The following TAFA4 variants were observed in gnomAD, a reference collection of about 807,000 sequenced individuals.
The protein encoded by TAFA4 is chemokine-like protein TAFA-4.
TAFA4 carries 20 observed loss-of-function variants against 21.1 expected under a neutral mutation model. That is an observed-to-expected ratio of 0.95 (90% CI 0.67 to 1.38). TAFA4 has a LOEUF of 1.38. Among genes scored for constraint, TAFA4 ranks in the 40% most tolerant of loss-of-function variants. The probability of loss-of-function intolerance (pLI) is 0.00; values close to 1 mark genes in which losing one functional copy is unlikely to be tolerated. For missense variants in TAFA4, 211 were observed against 180.9 expected (o/e 1.17, Z -0.95); for synonymous variants, 71 against 67.4 (o/e 1.05, Z -0.26).
At chr3:68,914,876 G>C (rs894557276) in intron 1 of TAFA4, among the ~76,000 whole-genome samples, 1 of 152,086 alleles carries the variant, frequency 6.6e-6, no homozygotes, top group African/African-American at 2.4e-5. Context: ...AAAAAGAATA[G>C]TATTTATTGA....
intron 3 of TAFA4, among the ~76,000 whole-genome samples, chr3:68,856,699 A>C (rs1001082707): frequency 1.4e-4 from 21 of 152,188 alleles, no homozygotes; most frequent in Non-Finnish European, 2.2e-4. Context: ...AAAGTCGCTC[A>C]ACCCAAGTTA....
chr3:68,872,782 G>C (rs1423388335), intron 3 of TAFA4, among the ~76,000 whole-genome samples: 2 of 152,108 alleles, frequency 1.3e-5, no homozygotes, highest in African/African-American at 4.8e-5. Context: ...AATACTTTTA[G>C]GTAGGGGATG....
At chr3:68,891,281 C>T (rs2089727828) in intron 1 of TAFA4, among the ~76,000 whole-genome samples, 1 of 152,170 alleles carries the variant, frequency 6.6e-6, no homozygotes, top group African/African-American at 2.4e-5. Flanking sequence ...AATTCAAAAG[C>T]ATTTTTGCAA....
intron 5 of TAFA4, among the ~76,000 whole-genome samples, chr3:68,737,308 T>G (rs2106724837): frequency 6.6e-6 from 1 of 152,278 alleles, no homozygotes; most frequent in Middle Eastern, 3.4e-3. Context: ...AGGCAGGGTT[T>G]GCTTAGCAAG....
At chr3:68,779,254 G>C (rs1317750269) in intron 3 of TAFA4, among the ~76,000 whole-genome samples, 1 of 152,090 alleles carries the variant, frequency 6.6e-6, no homozygotes, top group Non-Finnish European at 1.5e-5. Context: ...AGGTTTAAAA[G>C]GGAAACAGCA....
intron 3 of TAFA4, among the ~76,000 whole-genome samples, chr3:68,800,987 C>T (rs1703566411): frequency 6.6e-6 from 1 of 152,118 alleles, no homozygotes; most frequent in African/African-American, 2.4e-5. Context: ...CCTTTGACTG[C>T]TCCAAAGCTA....
At chr3:68,830,501 A>G (rs995826184) in intron 3 of TAFA4, among the ~76,000 whole-genome samples, 15 of 152,168 alleles carry the variant, frequency 9.9e-5, no homozygotes, top group Non-Finnish European at 1.6e-4. Flanking sequence ...TGCAGTTTTG[A>G]GTGAGTTTTT....
chr3:68,857,573 T>C (rs1705097865), intron 3 of TAFA4, among the ~76,000 whole-genome samples: 1 of 152,140 alleles, frequency 6.6e-6, no homozygotes, highest in Non-Finnish European at 1.5e-5. Context: ...TTTATCATTA[T>C]CTAAAGATAC....
chr3:68,759,985 AT>A (rs1474350754), intron 3 of TAFA4, among the ~76,000 whole-genome samples: 1 of 152,084 alleles, frequency 6.6e-6, no homozygotes, highest in Admixed American at 6.6e-5. Context: ...TTTGAGACAT[AT>A]TTTTTAAGTG....
At chr3:68,756,801 G>A (rs533352151) in intron 3 of TAFA4, among the ~76,000 whole-genome samples, 20 of 152,294 alleles carry the variant, frequency 1.3e-4, no homozygotes, top group Middle Eastern at 3.4e-3. Context: ...TAACAAGAGC[G>A]TTGATTTCCC....
At chr3:68,788,489 T>C (rs1162111793) in intron 3 of TAFA4, among the ~76,000 whole-genome samples, 1 of 152,266 alleles carries the variant, frequency 6.6e-6, no homozygotes, top group East Asian at 1.9e-4. Flanking sequence ...TCCACTCATT[T>C]ACTTTTTGCT....
chr3:68,857,256 T>G (rs1188702960), intron 3 of TAFA4, among the ~76,000 whole-genome samples: 1 of 152,182 alleles, frequency 6.6e-6, no homozygotes, highest in East Asian at 1.9e-4. Flanking sequence ...GTGGCACAAA[T>G]GTTAAATACT....
chr3:68,914,476 T>C (rs2089986169), intron 1 of TAFA4, among the ~76,000 whole-genome samples: 1 of 152,196 alleles, frequency 6.6e-6, no homozygotes, highest in South Asian at 2.1e-4. Context: ...CCTCAAGTTT[T>C]TTAATTAGCA....
intron 3 of TAFA4, among the ~76,000 whole-genome samples, chr3:68,829,931 G>A (rs552320060): frequency 5.3e-5 from 8 of 152,108 alleles, no homozygotes; most frequent in South Asian, 4.2e-4. Flanking sequence ...TGTATGTGTC[G>A]AGGAATTTAT....
intron 1 of TAFA4, among the ~76,000 whole-genome samples, chr3:68,918,132 TACACACAC>T (rs71618251): frequency 2.1e-4 from 31 of 148,930 alleles, no homozygotes; most frequent in African/African-American, 5.7e-4. Context: ...CAGACACACA[TACACACAC>T]ACACACACAC....
intron 3 of TAFA4, among the ~76,000 whole-genome samples, chr3:68,799,792 G>A (rs945122004): frequency 1.4e-5 from 2 of 145,134 alleles, no homozygotes; most frequent in Non-Finnish European, 3.1e-5. Flanking sequence ...GTGCCTGTCT[G>A]TGGCTTGTTA....
intron 1 of TAFA4, among the ~76,000 whole-genome samples, chr3:68,918,840 C>A (rs1300427618): frequency 6.6e-6 from 1 of 152,198 alleles, no homozygotes; most frequent in Non-Finnish European, 1.5e-5. Flanking sequence ...CATGCCCAGC[C>A]TCTTCCATTT....
At chr3:68,809,392 G>C (rs986469807) in intron 3 of TAFA4, among the ~76,000 whole-genome samples, 1 of 152,056 alleles carries the variant, frequency 6.6e-6, no homozygotes, top group African/African-American at 2.4e-5. Flanking sequence ...TAACAGTATG[G>C]GAATAGTTAC....
intron 3 of TAFA4, among the ~76,000 whole-genome samples, chr3:68,865,262 T>A (rs1023107569): frequency 6.6e-6 from 1 of 151,318 alleles, no homozygotes; most frequent in Non-Finnish European, 1.5e-5. Context: ...CACAATTTAT[T>A]TTTTTTTTAA....
Sources: gnomAD v4.1 joint callset for allele counts (sites outside exome capture counted in the v4.1 genomes callset) on GRCh38, gnomAD v4.1.1 for gene constraint, MANE v1.5 for transcripts, NCBI Gene and HGNC (gene_info 2026-07-23, HGNC 2026-07-21) for gene names.